Variants in DLG2 observed in about 807,000 individuals in gnomAD.
The protein encoded by DLG2 is discs large MAGUK scaffold protein 2, also known as disks large homolog 2.
DLG2 carries 45 observed loss-of-function variants against 132.5 expected under a neutral mutation model. The observed-to-expected ratio is 0.34, with a 90% CI of 0.27 to 0.44. The LOEUF (loss-of-function observed/expected upper bound fraction) is 0.44, where lower values mean the gene tolerates loss of function less well. DLG2 is among the 20% of genes least tolerant of loss of function. The pLI is 1.00. For missense variants in DLG2, 1,045 were observed against 1,196.9 expected (o/e 0.87, Z 1.87); for synonymous variants, 424 against 419.6 (o/e 1.01, Z -0.13).
intron 11 of DLG2, among the ~76,000 whole-genome samples, chr11:83,987,920 CA>C (rs1208146527): frequency 4.6e-5 from 7 of 152,226 alleles, no homozygotes. Context: ...CATTTGTTGG[CA>C]GCATGGGTGT....
chr11:84,967,906 TA>T (rs1270169849), intron 6 of DLG2, among the ~76,000 whole-genome samples: 10 of 152,092 alleles, frequency 6.6e-5, no homozygotes, highest in Admixed American at 1.3e-4. Flanking sequence ...AATAAGCTTC[TA>T]AAAGGTCCTG....
intron 7 of DLG2, among the ~76,000 whole-genome samples, chr11:84,488,231 G>A (rs2099155761): frequency 6.6e-6 from 1 of 152,126 alleles, no homozygotes; most frequent in Non-Finnish European, 1.5e-5. Context: ...AGAAAAAAGA[G>A]TTGTATCATA....
chr11:84,476,330 A>G (rs2099121621), intron 7 of DLG2, among the ~76,000 whole-genome samples: 1 of 152,196 alleles, frequency 6.6e-6, no homozygotes, highest in Non-Finnish European at 1.5e-5. Context: ...ATAATAAACA[A>G]ACAAATACTT....
intron 5 of DLG2, among the ~76,000 whole-genome samples, chr11:85,148,678 A>G (rs1166085037): frequency 6.6e-6 from 1 of 152,130 alleles, no homozygotes; most frequent in Non-Finnish European, 1.5e-5. Context: ...GATTGCAAAA[A>G]TTTGCCCCCA....
intron 6 of DLG2, among the ~76,000 whole-genome samples, chr11:84,929,316 T>C (rs1361390678): frequency 6.6e-6 from 1 of 151,902 alleles, no homozygotes; most frequent in African/African-American, 2.4e-5. Flanking sequence ...TTCTTTTATA[T>C]ATAAATATGT....
rs181722874 is a variant in DLG2 at position 84,896,148 on chromosome 11, C to G, written c.357+215513G>C. Among the ~76,000 whole-genome samples the G allele has an allele frequency of 4.6e-5, 7 of 152,100 alleles. No homozygotes were observed. In the East Asian group the frequency reaches 1.2e-3, roughly 25 times the overall value. On this transcript the variant is annotated intron_variant, in intron 6 of 27. Transcript: ENST00000376104. ...CTCTTCAAATTGTTTAAATCATTAG[C>G]TTTATATACATTTTGTAGACTTCTA...
intron 3 of DLG2, among the ~76,000 whole-genome samples, chr11:85,487,401 C>CA (rs1376218266): frequency 4.0e-5 from 5 of 126,554 alleles, no homozygotes; most frequent in African/African-American, 8.9e-5. Context: ...GAAAACTCTA[C>CA]AAAATAATAC....
chr11:83,486,338 A>ATGACT (rs907799754), intron 21 of DLG2: 2 of 594,054 alleles, frequency 3.4e-6, no homozygotes, highest in African/African-American at 3.9e-5. Context: ...AACATCACCA[A>ATGACT]TGACTTGTCA....
chr11:85,625,125 GTC>G, intron 2 of DLG2: 1 of 149,706 alleles, frequency 6.7e-6, no homozygotes, highest in Non-Finnish European at 1.5e-5. Flanking sequence ...CTCTTTCTCT[GTC>G]TCTCCTCCTT....
chr11:83,844,115 A>G (rs1282208526), intron 16 of DLG2, among the ~76,000 whole-genome samples: 1 of 152,166 alleles, frequency 6.6e-6, no homozygotes, highest in Admixed American at 6.5e-5. Context: ...GTGGGATTAG[A>G]TCAGAGACAC....
intron 7 of DLG2, among the ~76,000 whole-genome samples, chr11:84,312,443 C>G (rs1274686584): frequency 6.6e-6 from 1 of 152,210 alleles, no homozygotes; most frequent in South Asian, 2.1e-4. Flanking sequence ...GGCACCATGG[C>G]ATTCCAGGAC....
At chr11:85,112,863 G>A (rs1241006731) in intron 5 of DLG2, among the ~76,000 whole-genome samples, 7 of 151,932 alleles carry the variant, frequency 4.6e-5, no homozygotes, top group Non-Finnish European at 1.0e-4. Context: ...TTTAATGGGA[G>A]GTAAGCCATG....
chr11:85,614,195 T>C (rs1357921918), intron 2 of DLG2, among the ~76,000 whole-genome samples: 2 of 152,220 alleles, frequency 1.3e-5, no homozygotes, highest in Admixed American at 1.3e-4. Context: ...AGTATTTTAC[T>C]AAGAAGTATT....
chr11:85,330,781 AAAAAAAAAATT>A (rs1207533271), intron 3 of DLG2, among the ~76,000 whole-genome samples: 1 of 112,050 alleles, frequency 8.9e-6, no homozygotes, highest in African/African-American at 3.6e-5. Flanking sequence ...GTATAATAAA[AAAAAAAAAATT>A]AAAAAAAAAA....
chr11:85,001,985 A>G (rs147697959), intron 6 of DLG2, among the ~76,000 whole-genome samples: 1 of 152,214 alleles, frequency 6.6e-6, no homozygotes, highest in South Asian at 2.1e-4. Flanking sequence ...CTCTTAAAAA[A>G]TGCTGATATC....
chr11:83,504,945 A>G (rs979542091), intron 21 of DLG2, among the ~76,000 whole-genome samples: 1 of 148,830 alleles, frequency 6.7e-6, no homozygotes, highest in Admixed American at 6.7e-5. Flanking sequence ...ATGATGGGGA[A>G]CATAGTAAGA....
At chr11:85,101,329 G>A (rs2070814886) in intron 6 of DLG2, among the ~76,000 whole-genome samples, 1 of 152,052 alleles carries the variant, frequency 6.6e-6, no homozygotes, top group Admixed American at 6.6e-5. Context: ...GGTCTCTCAT[G>A]TTCAAACATG....
chr11:83,990,992 A>T (rs568631224), intron 11 of DLG2, among the ~76,000 whole-genome samples: 1 of 152,222 alleles, frequency 6.6e-6, no homozygotes, highest in Non-Finnish European at 1.5e-5. Context: ...AAAAACAACA[A>T]AAAAACCCTT....
At chr11:84,353,103 C>CAA (rs1220596872) in intron 7 of DLG2, among the ~76,000 whole-genome samples, 2 of 152,154 alleles carry the variant, frequency 1.3e-5, no homozygotes, top group Non-Finnish European at 2.9e-5. Flanking sequence ...CTCCTATTTG[C>CAA]AAACAAACCT....
Sources: gnomAD v4.1 joint callset for allele counts (sites outside exome capture counted in the v4.1 genomes callset) on GRCh38, gnomAD v4.1.1 for gene constraint, MANE v1.5 for transcripts, NCBI Gene and HGNC (gene_info 2026-07-23, HGNC 2026-07-21) for gene names.